METTL15: variants seen among roughly 807,000 people sequenced by gnomAD.
METTL15 encodes 12S rRNA N(4)-cytidine methyltransferase METTL15.
In METTL15, 34 loss-of-function variants were observed where a neutral mutation model predicts 38.3. The ratio of observed to expected loss-of-function variants is 0.89; its 90% CI spans 0.68 to 1.18. The LOEUF (loss-of-function observed/expected upper bound fraction) is 1.18. METTL15 is among the 50% of genes most tolerant of loss of function. The pLI is 0.00. For missense variants in METTL15, 438 were observed against 498.4 expected (o/e 0.88, Z 1.15); for synonymous variants, 162 against 170.9 (o/e 0.95, Z 0.41).
At position 28,178,563 on chromosome 11, in the gene METTL15, A is replaced by G. The variant is rs193128511; in HGVS notation, c.271-32499A>G. ...GCAGTATTATCATTACTCTTTCCCT[A>G]CAAGGCCAGATATTAATAGTCTGGT... On this transcript the variant is annotated intron_variant, in intron 3 of 6. Transcript: ENST00000407364. Among the ~76,000 whole-genome samples, 5 of 151,918 alleles carry G rather than the reference A, an allele frequency of 3.3e-5. 1 individual carries two copies. The Middle Eastern group carries it at 0.014, about 413-fold the overall frequency.
At chr11:28,217,503 T>G (rs1279803260) in intron 4 of METTL15, among the ~76,000 whole-genome samples, 1 of 152,158 alleles carries the variant, frequency 6.6e-6, no homozygotes, top group African/African-American at 2.4e-5. Flanking sequence ...TCCCATTCTG[T>G]AGGTTGCCTG....
At chr11:28,281,275 C>A (rs1318277633) in intron 4 of METTL15, among the ~76,000 whole-genome samples, 1 of 152,030 alleles carries the variant, frequency 6.6e-6, no homozygotes, top group Non-Finnish European at 1.5e-5. Flanking sequence ...CAGTTTTAGC[C>A]CTTTAGAGCC....
At chr11:28,490,820 A>G (rs940057120) in intron 6 of METTL15, among the ~76,000 whole-genome samples, 1 of 152,196 alleles carries the variant, frequency 6.6e-6, no homozygotes, top group African/African-American at 2.4e-5. Context: ...GGCAACATTC[A>G]TGACAAGACT....
chr11:28,248,152 T>C (rs1854588967), intron 4 of METTL15, among the ~76,000 whole-genome samples: 1 of 152,086 alleles, frequency 6.6e-6, no homozygotes, highest in Non-Finnish European at 1.5e-5. Flanking sequence ...TTGTAATCGG[T>C]TGAAAGCCAT....
At chr11:28,303,218 C>T (rs1856970707) in intron 6 of METTL15, among the ~76,000 whole-genome samples, 1 of 152,128 alleles carries the variant, frequency 6.6e-6, no homozygotes, top group Admixed American at 6.6e-5. Flanking sequence ...TTGTTCAAGT[C>T]CTGGTTCTTC....
At chr11:28,447,162 G>T (rs1851082114) in intron 6 of METTL15, among the ~76,000 whole-genome samples, 1 of 151,884 alleles carries the variant, frequency 6.6e-6, no homozygotes, top group Admixed American at 6.6e-5. Context: ...CTTTAATGTT[G>T]TTCTCTTCCT....
At chr11:28,219,221 T>C (rs1291631055) in intron 4 of METTL15, among the ~76,000 whole-genome samples, 1 of 152,170 alleles carries the variant, frequency 6.6e-6, no homozygotes, top group Non-Finnish European at 1.5e-5. Flanking sequence ...CTATTAATTA[T>C]TGCCTCAATT....
rs1312601138 is a variant in METTL15 at position 28,110,996 on chromosome 11, C to T, written c.-18+595C>T. On this transcript the variant is annotated intron_variant, in intron 2 of 6. Coordinates refer to ENST00000407364, the MANE Select transcript of METTL15 (RefSeq NM_001113528.2). ...GCCACTAGCAGACTGCAGGAGAGCTCCAAGTTGTCTGGTAGGAAACTGGGC... is the reference window on the plus strand; with the variant it reads ...GCCACTAGCAGACTGCAGGAGAGCTTCAAGTTGTCTGGTAGGAAACTGGGC... Among the ~76,000 whole-genome samples, 5 of 152,058 alleles carry T rather than the reference C, an allele frequency of 3.3e-5. No homozygotes were observed. In the East Asian group the frequency reaches 9.6e-4, roughly 29 times the overall value.
At chr11:28,292,722 T>A (rs1326069861) in intron 5 of METTL15, among the ~76,000 whole-genome samples, 1 of 152,152 alleles carries the variant, frequency 6.6e-6, no homozygotes, top group Non-Finnish European at 1.5e-5. Flanking sequence ...CAGCGCCTGT[T>A]GTTTCCTGAC....
At chr11:28,527,316 C>A (rs1296399864), downstream of METTL15, among the ~76,000 whole-genome samples, 1 of 152,200 alleles carries the variant, frequency 6.6e-6, no homozygotes, top group Non-Finnish European at 1.5e-5. Flanking sequence ...AGAGTTGAAT[C>A]CCACCCTCCC....
intron 4 of METTL15, among the ~76,000 whole-genome samples, chr11:28,288,391 T>C (rs929069751): frequency 6.6e-6 from 1 of 152,104 alleles, no homozygotes; most frequent in East Asian, 1.9e-4. Context: ...CTATTCACAA[T>C]AGCAAAAACA....
chr11:28,380,275 C>T (rs1047245329), intron 5 of METTL15, among the ~76,000 whole-genome samples: 4 of 148,414 alleles, frequency 2.7e-5, no homozygotes, highest in Admixed American at 6.9e-5. Flanking sequence ...TCACACCATT[C>T]TCCTGCCTCA....
chr11:28,248,133 C>T (rs1033054825), intron 4 of METTL15, among the ~76,000 whole-genome samples: 2 of 151,992 alleles, frequency 1.3e-5, no homozygotes, highest in Non-Finnish European at 2.9e-5. Flanking sequence ...GGATGAAATT[C>T]AAAATCCTTT....
downstream of METTL15, among the ~76,000 whole-genome samples, chr11:28,530,638 G>T (rs1851839064): frequency 6.6e-6 from 1 of 152,014 alleles, no homozygotes; most frequent in Non-Finnish European, 1.5e-5. Context: ...CTAAAGACAT[G>T]CGCACAATTG....
At chr11:28,310,964 GGGTGTGTGT>G (rs1162664943) in intron 6 of METTL15, among the ~76,000 whole-genome samples, 1 of 124,638 alleles carries the variant, frequency 8.0e-6, no homozygotes, top group African/African-American at 3.6e-5. Context: ...TGGTGGTGGT[GGGTGTGTGT>G]GTGTGTGTGT....
At chr11:28,421,085 T>C (rs1449809554) in intron 5 of METTL15, among the ~76,000 whole-genome samples, 1 of 151,900 alleles carries the variant, frequency 6.6e-6, no homozygotes, top group Non-Finnish European at 1.5e-5. Context: ...TGAGCAACTA[T>C]ATGTGAATAA....
chr11:28,395,653 A>G (rs79081736), intron 5 of METTL15, among the ~76,000 whole-genome samples: 1 of 152,206 alleles, frequency 6.6e-6, no homozygotes. Context: ...TCACAGCCTA[A>G]TTCTACCAGA....
intron 6 of METTL15, among the ~76,000 whole-genome samples, chr11:28,490,992 G>A (rs998726917): frequency 6.6e-6 from 1 of 152,156 alleles, no homozygotes; most frequent in African/African-American, 2.4e-5. Context: ...TTTAGCAAAA[G>A]TAATTTCCCA....
At chr11:28,315,778 T>A (rs1857458258) in intron 6 of METTL15, among the ~76,000 whole-genome samples, 1 of 152,254 alleles carries the variant, frequency 6.6e-6, no homozygotes, top group Admixed American at 6.5e-5. Context: ...CCAGCCACTC[T>A]AGCCATGGCT....
Sources: gnomAD v4.1 joint callset for allele counts (sites outside exome capture counted in the v4.1 genomes callset) on GRCh38, gnomAD v4.1.1 for gene constraint, MANE v1.5 for transcripts, NCBI Gene and HGNC (gene_info 2026-07-23, HGNC 2026-07-21) for gene names.